Variants in PPP1R14C observed in about 807,000 individuals in gnomAD.
PPP1R14C encodes the protein protein phosphatase 1 regulatory inhibitor subunit 14C, also known as protein phosphatase 1 regulatory subunit 14C.
A neutral mutation model predicts 20.4 loss-of-function variants in PPP1R14C; 16 were observed. That is an observed-to-expected ratio of 0.78 (90% CI 0.53 to 1.19). The LOEUF (loss-of-function observed/expected upper bound fraction) is 1.19. PPP1R14C is among the 50% of genes most tolerant of loss of function. The probability of loss-of-function intolerance (pLI) is 0.00; values close to 1 mark genes in which losing one functional copy is unlikely to be tolerated. For synonymous variants in PPP1R14C, 91 were observed against 91.0 expected, an observed-to-expected ratio of 1.00 and a Z score of 0.00; for missense variants, 211 against 220.1, an observed-to-expected ratio of 0.96 and a Z score of 0.26.
Position 150,216,875 on chromosome 6 carries a change from C to T in PPP1R14C, c.423+19C>T. On this transcript the variant is annotated intron_variant, in intron 3 of 3. Coordinates refer to ENST00000361131, the MANE Select transcript of PPP1R14C (RefSeq NM_030949.3). ...AACAGAGGTAAGCAAATCACTTTTC[C>T]TAAATGCCATGTTTGAACTGGTTTT... 6.3e-7 allele frequency: 1 copy of T among 1,593,790 alleles called. No homozygotes were observed. The highest frequency in any genetic ancestry group is 8.6e-7 in the Non-Finnish European group (1 of 1,167,090).
intron 1 of PPP1R14C, among the ~76,000 whole-genome samples, chr6:150,195,622 G>T (rs1777794997): frequency 6.6e-6 from 1 of 152,186 alleles, no homozygotes; most frequent in Non-Finnish European, 1.5e-5. Context: ...TTACAGGCAT[G>T]AACCACCATG....
At chr6:150,196,957 A>G (rs1290232359) in intron 1 of PPP1R14C, among the ~76,000 whole-genome samples, 1 of 152,232 alleles carries the variant, frequency 6.6e-6, no homozygotes, top group Non-Finnish European at 1.5e-5. Context: ...TGCCAATGGC[A>G]TTTGCAGAAG....
rs80269957 is a variant in PPP1R14C at position 150,177,588 on chromosome 6, C to G, written c.306+34090C>G. ...TTCCCCCCTCAGTCCCTCTCTGTCT[C>G]TCTCTCCCCGGTAGGGTTCAACATA... is the stretch of plus-strand genomic sequence containing the variant. On this transcript the variant is annotated intron_variant, in intron 1 of 3. Transcript: ENST00000361131. Among the ~76,000 whole-genome samples the G allele has an allele frequency of 9.6e-3, 1,462 of 152,302 alleles. 26 individuals carry two copies. Among genetic ancestry groups the G allele is most frequent in the African/African-American group, 0.033 (1,390 of 41,560 alleles).
chr6:150,180,169 C>G (rs1193059201), intron 1 of PPP1R14C, among the ~76,000 whole-genome samples: 1 of 151,960 alleles, frequency 6.6e-6, no homozygotes, highest in Non-Finnish European at 1.5e-5. Flanking sequence ...GCCACTGCAC[C>G]CCAGCCTGGG....
intron 1 of PPP1R14C, among the ~76,000 whole-genome samples, chr6:150,179,125 G>C (rs1777593252): frequency 6.6e-6 from 1 of 152,154 alleles, no homozygotes; most frequent in Non-Finnish European, 1.5e-5. Flanking sequence ...GACTGTGGTC[G>C]CCAAGCATGG....
At chr6:150,244,925 T>C (rs1778474282) in intron 3 of PPP1R14C, among the ~76,000 whole-genome samples, 2 of 152,224 alleles carry the variant, frequency 1.3e-5, no homozygotes, top group South Asian at 4.1e-4. Flanking sequence ...CTGATCTAGA[T>C]GCCAGTAATG....
chr6:150,220,018 G>C (rs76963202), intron 3 of PPP1R14C, among the ~76,000 whole-genome samples: 3,867 of 152,160 alleles, frequency 0.025, 153 homozygotes, highest in African/African-American at 0.088. Flanking sequence ...ACCATGCCTG[G>C]CTAATTTTTG....
intron 1 of PPP1R14C, among the ~76,000 whole-genome samples, chr6:150,153,508 T>C (rs1251463220): frequency 6.6e-6 from 1 of 152,238 alleles, no homozygotes; most frequent in East Asian, 1.9e-4. Flanking sequence ...ATTGCTTATT[T>C]CTATGTGAGT....
At chr6:150,206,856 G>C (rs991747686) in intron 1 of PPP1R14C, among the ~76,000 whole-genome samples, 1 of 146,904 alleles carries the variant, frequency 6.8e-6, no homozygotes, top group Non-Finnish European at 1.5e-5. Context: ...GTTTTTTTTT[G>C]TTTGTTTCTG....
At chr6:150,162,345 G>A (rs1040567002) in intron 1 of PPP1R14C, among the ~76,000 whole-genome samples, 3 of 152,286 alleles carry the variant, frequency 2.0e-5, no homozygotes, top group African/African-American at 2.4e-5. Context: ...GTGAGCCACC[G>A]TGCCAGGCCA....
At chr6:150,167,555 A>G (rs1431071544) in intron 1 of PPP1R14C, among the ~76,000 whole-genome samples, 3 of 152,096 alleles carry the variant, frequency 2.0e-5, no homozygotes, top group Non-Finnish European at 2.9e-5. Flanking sequence ...AGTTCACTAG[A>G]TTTAGAAGCA....
intron 1 of PPP1R14C, among the ~76,000 whole-genome samples, chr6:150,180,863 G>T (rs1777613555): frequency 6.6e-6 from 1 of 152,150 alleles, no homozygotes; most frequent in African/African-American, 2.4e-5. Flanking sequence ...AGGTCTGACA[G>T]GGGCTCTAGA....
At chr6:150,225,656 C>G (rs1422065266) in intron 3 of PPP1R14C, among the ~76,000 whole-genome samples, 1 of 152,166 alleles carries the variant, frequency 6.6e-6, no homozygotes, top group African/African-American at 2.4e-5. Flanking sequence ...AACAGGAAGT[C>G]TCATTTAATC....
At chr6:150,186,663 C>G (rs1460474768) in intron 1 of PPP1R14C, among the ~76,000 whole-genome samples, 2 of 152,122 alleles carry the variant, frequency 1.3e-5, no homozygotes, top group African/African-American at 4.8e-5. Flanking sequence ...ACAGTGTTTG[C>G]TAGAGGCCAA....
intron 3 of PPP1R14C, among the ~76,000 whole-genome samples, chr6:150,239,072 T>A (rs1778401937): frequency 6.6e-6 from 1 of 152,198 alleles, no homozygotes; most frequent in Non-Finnish European, 1.5e-5. Context: ...CAAAAAAGAA[T>A]GGATTCCCTT....
At chr6:150,159,996 T>C (rs569739327) in intron 1 of PPP1R14C, among the ~76,000 whole-genome samples, 1 of 152,314 alleles carries the variant, frequency 6.6e-6, no homozygotes, top group African/African-American at 2.4e-5. Flanking sequence ...TTTTGTAGAA[T>C]GTCCCTCACA....
At chr6:150,186,165 C>T (rs1458735254) in intron 1 of PPP1R14C, among the ~76,000 whole-genome samples, 1 of 152,200 alleles carries the variant, frequency 6.6e-6, no homozygotes, top group Non-Finnish European at 1.5e-5. Flanking sequence ...GCCACATCTC[C>T]ACCCTCAGTT....
intron 1 of PPP1R14C, among the ~76,000 whole-genome samples, chr6:150,167,989 T>TTTCTCCC (rs1562259800): frequency 2.8e-3 from 10 of 3,612 alleles, no homozygotes; most frequent in Admixed American, 6.5e-3. Context: ...TCTCCTCCCC[T>TTTCTCCC]CTTCCTCTCC....
chr6:150,212,751 C>T (rs1030649699), intron 1 of PPP1R14C, among the ~76,000 whole-genome samples: 3 of 152,118 alleles, frequency 2.0e-5, no homozygotes, highest in Non-Finnish European at 4.4e-5. Context: ...TTTAACGTAC[C>T]GTTTCTATGT....
Sources: allele counts gnomAD v4.1 joint callset (sites outside exome capture counted in the v4.1 genomes callset), GRCh38; gene constraint gnomAD v4.1.1; transcripts MANE v1.5; gene names NCBI Gene and HGNC (gene_info 2026-07-23, HGNC 2026-07-21).